RGS9: variants seen among roughly 807,000 people sequenced by gnomAD.
The protein encoded by RGS9 is regulator of G protein signaling 9, also known as regulator of G-protein signalling 9.
In RGS9, 78 loss-of-function variants were observed where a neutral mutation model predicts 102.0. The ratio of observed to expected loss-of-function variants is 0.76; its 90% CI spans 0.64 to 0.92. The LOEUF (loss-of-function observed/expected upper bound fraction) is 0.92. RGS9 is among the 40% of genes least tolerant of loss of function. RGS9 has a pLI of 0.00. For missense variants in RGS9, 833 were observed against 866.1 expected, an observed-to-expected ratio of 0.96 and a Z score of 0.48; for synonymous variants, 353 against 318.6, an observed-to-expected ratio of 1.11 and a Z score of -1.15.
intron 9 of RGS9, among the ~76,000 whole-genome samples, chr17:65,182,995 T>G (rs1207771173): frequency 6.6e-6 from 1 of 152,196 alleles, no homozygotes; most frequent in African/African-American, 2.4e-5. Flanking sequence ...GACGGCTATT[T>G]ACTTCACATG....
At position 65,210,474 on chromosome 17, in the gene RGS9, G is replaced by T; in HGVS notation, c.1290-14G>T. ...GTCATTTTCCTCCAACCACCAATCT[G>T]TCCTTCCTTCCAGCTCCACCCTCCC... On this transcript the variant is annotated splice_polypyrimidine_tract_variant and intron_variant, in intron 16 of 18. Coordinates refer to ENST00000262406, the MANE Select transcript of RGS9 (RefSeq NM_003835.4). 6.2e-7 allele frequency: 1 copy of T among 1,612,690 alleles called. No individual in the cohort carries two copies. The highest frequency in any genetic ancestry group is 8.5e-7 in the Non-Finnish European group (1 of 1,179,888).
intron 16 of RGS9, among the ~76,000 whole-genome samples, chr17:65,208,566 C>T (rs2144105664): frequency 6.6e-6 from 1 of 152,200 alleles, no homozygotes; most frequent in South Asian, 2.1e-4. Context: ...GCCATTGGGA[C>T]AATGGACGAA....
chr17:65,210,490 C>G lies in RGS9; in HGVS notation c.1292C>G (p.Ser431Cys), dbSNP rs774092292. 1 of 1,613,216 alleles carries G rather than the reference C, an allele frequency of 6.2e-7. No homozygotes were observed. Among genetic ancestry groups the G allele is most frequent in the Admixed American group, 1.7e-5 (1 of 60,018 alleles). ...CACCAATCTGTCCTTCCTTCCAGCT[C>G]CACCCTCCCTTTTATGCGGCGTCAC... Reference protein sequence around the residue: ...IEPQETTKKSSTLPFMRRHLR... With the variant: ...IEPQETTKKSCTLPFMRRHLR... Residue 431 changes from serine (S) to cysteine (C), a missense_variant and splice_region_variant, in exon 17 of 19, where the codon TCC becomes TGC. Transcript: ENST00000262406.
At chr17:65,160,212 T>G in intron 3 of RGS9, 21 bp from the exon 4 acceptor site, 1 of 1,573,488 alleles carries the variant, frequency 6.4e-7, no homozygotes, top group Non-Finnish European at 8.7e-7. Context: ...TTAACATCCA[T>G]GTCTGAACTG....
chr17:65,150,651 G>C (rs1910543022), intron 1 of RGS9, among the ~76,000 whole-genome samples: 1 of 152,008 alleles, frequency 6.6e-6, no homozygotes, highest in Non-Finnish European at 1.5e-5. Context: ...AAACCTAGGA[G>C]GAGTCCTTCT....
At chr17:65,151,353 A>G (rs1910572697) in intron 1 of RGS9, among the ~76,000 whole-genome samples, 1 of 137,132 alleles carries the variant, frequency 7.3e-6, no homozygotes, top group African/African-American at 3.2e-5. Flanking sequence ...CAAAAAAAAA[A>G]AAAAAGAGTC....
intron 8 of RGS9, among the ~76,000 whole-genome samples, chr17:65,170,200 A>T (rs1382867060): frequency 6.6e-6 from 1 of 151,896 alleles, no homozygotes; most frequent in African/African-American, 2.4e-5. Flanking sequence ...GATTACAGGC[A>T]TGCACCACCA....
intron 10 of RGS9, among the ~76,000 whole-genome samples, chr17:65,189,848 ACT>A (rs1912291729): frequency 6.6e-6 from 1 of 151,362 alleles, no homozygotes; most frequent in Non-Finnish European, 1.5e-5. Flanking sequence ...GGTGGGGACC[ACT>A]CTCTGCTTCT....
At chr17:65,156,546 C>T (rs1219283339) in intron 2 of RGS9, among the ~76,000 whole-genome samples, 4 of 152,072 alleles carry the variant, frequency 2.6e-5, no homozygotes, top group Admixed American at 6.5e-5. Context: ...ACTTCTTGGA[C>T]GGCAGGCGTC....
rs1222815561 is a variant in RGS9, at chr17:65,168,264, C to T, written c.565C>T (p.Leu189=). The T allele has an allele frequency of 6.2e-7, 1 of 1,609,412 alleles. No homozygotes were observed. Residue 189 remains leucine (L), a synonymous_variant, in exon 8 of 19, where the codon CTG becomes TTG. Coordinates refer to ENST00000262406, the MANE Select transcript of RGS9 (RefSeq NM_003835.4). Reference sequence around the variant, plus strand: ...GGACTGCCAGGAGAAGGCATACTGGCTGGTGCACCGATGCCCTGTGAGTAT... The same window carrying T: ...GGACTGCCAGGAGAAGGCATACTGGTTGGTGCACCGATGCCCTGTGAGTAT... ...ALDCQEKAYW[L]VHRCPPGMDN... is the part of the protein sequence containing the mutation.
chr17:65,218,180 C>T (rs981711621), intron 17 of RGS9, among the ~76,000 whole-genome samples: 3 of 152,214 alleles, frequency 2.0e-5, no homozygotes, highest in Non-Finnish European at 4.4e-5. Context: ...TTCCATGATA[C>T]TCCTTGGTCA....
At chr17:65,197,551 C>G (rs78124204) in intron 13 of RGS9, among the ~76,000 whole-genome samples, 1 of 152,126 alleles carries the variant, frequency 6.6e-6, no homozygotes, top group East Asian at 1.9e-4. Context: ...GAGGAGCCCC[C>G]GCTCCTTCTA....
chr17:65,179,413 T>C (rs1253786902), intron 9 of RGS9, among the ~76,000 whole-genome samples: 2 of 152,178 alleles, frequency 1.3e-5, no homozygotes, highest in Admixed American at 6.5e-5. Context: ...AGATCACTGC[T>C]GAGGCCTTGT....
chr17:65,175,295 G>A (rs887847157), intron 8 of RGS9, among the ~76,000 whole-genome samples: 2 of 152,082 alleles, frequency 1.3e-5, no homozygotes, highest in Non-Finnish European at 1.5e-5. Context: ...GAGTGTGAGA[G>A]TGTGTGAACG....
In RGS9 at chr17:65,183,751, T is replaced by C. The variant is rs114370181; in HGVS notation, c.655-5535T>C. On this transcript the variant is annotated intron_variant, in intron 9 of 18. Coordinates refer to ENST00000262406, the MANE Select transcript of RGS9 (RefSeq NM_003835.4). ...TCCGTGGCTTGCTTGGCCCCCCACC[T>C]GAGTTTCTCTGCAGATACCTGCCTG... Among the ~76,000 whole-genome samples, 958 of 152,288 alleles carry C rather than the reference T, an allele frequency of 6.3e-3. 11 individuals carry two copies. The highest frequency in any genetic ancestry group is 0.021 in the African/African-American group (881 of 41,560).
chr17:65,173,331 G>A lies in RGS9; in HGVS notation c.583-4401G>A, dbSNP rs931308054. Among the ~76,000 whole-genome samples, 1 of 152,112 alleles carries A rather than the reference G, an allele frequency of 6.6e-6. No homozygotes were observed. The highest frequency in any genetic ancestry group is 2.4e-5 in the African/African-American group (1 of 41,418). ...CAGAAGAGTCTGATATTTTTGGGAA[G>A]AGAGTGAAGCTGAGAGAAGGAGGGG... On this transcript the variant is annotated intron_variant, in intron 8 of 18. Coordinates refer to ENST00000262406, the MANE Select transcript of RGS9 (RefSeq NM_003835.4). The surrounding 1 kb of genome is among the most constrained non-coding windows in gnomAD (Gnocchi z 4.8).
At chr17:65,154,231 C>T (rs564146521) in intron 2 of RGS9, among the ~76,000 whole-genome samples, 42 of 151,840 alleles carry the variant, frequency 2.8e-4, no homozygotes, top group African/African-American at 8.9e-4. Flanking sequence ...CACTTGAACC[C>T]GGGAGGCGGA....
At chr17:65,183,102 AT>A (rs1391561288) in intron 9 of RGS9, among the ~76,000 whole-genome samples, 13 of 143,554 alleles carry the variant, frequency 9.1e-5, no homozygotes, top group South Asian at 4.2e-4. Flanking sequence ...CTATCTATCT[AT>A]CTATCTACCT....
intron 12 of RGS9, 39 bp from the exon 13 acceptor site, chr17:65,197,087 C>A: frequency 6.7e-7 from 1 of 1,492,198 alleles, no homozygotes; most frequent in Non-Finnish European, 9.3e-7. Context: ...CCTGTCACAA[C>A]CGCTACCTCT....
Sources: gnomAD v4.1 joint callset for allele counts (sites outside exome capture counted in the v4.1 genomes callset) on GRCh38, gnomAD v4.1.1 for gene constraint, Gnocchi (gnomAD v3.1) non-coding constraint, MANE v1.5 for transcripts, NCBI Gene and HGNC (gene_info 2026-07-23, HGNC 2026-07-21) for gene names.